PADI6: variants seen among roughly 807,000 people sequenced by gnomAD.
PADI6 encodes the protein peptidyl arginine deiminase 6.
PADI6 carries 66 observed loss-of-function variants against 78.2 expected under a neutral mutation model. The observed-to-expected ratio is 0.84, with a 90% confidence interval of 0.69 to 1.04. The LOEUF (loss-of-function observed/expected upper bound fraction) is 1.04. Among genes scored for constraint, PADI6 ranks in the 50% least tolerant of loss-of-function variants. The probability of loss-of-function intolerance (pLI) is 0.00; values close to 1 mark genes in which losing one functional copy is unlikely to be tolerated. For synonymous variants in PADI6, 397 were observed against 346.9 expected (o/e 1.14, Z -1.60); for missense variants, 854 against 866.1 (o/e 0.99, Z 0.18).
Position 17,372,309 on chromosome 1 carries a change from C to T in PADI6, c.64C>T (p.Pro22Ser), listed in dbSNP as rs1163015581. 6.2e-7 allele frequency: 1 copy of T among 1,613,976 alleles called. No individual in the cohort carries two copies. The highest frequency in any genetic ancestry group is 8.5e-7 in the Non-Finnish European group (1 of 1,179,886). ...QSIIHLSLDS[P>S]VHAVCVLGTE... ...TATCATCCACCTGTCCCTGGACAGC[C>T]CTGTCCATGCCGTTTGTGTGTTGGG... Residue 22 changes from proline (P) to serine (S), a missense_variant, in exon 1 of 16, where the codon CCT becomes TCT. Physicochemically the swap from Pro to Ser is moderately conservative, Grantham distance 74. Coordinates refer to ENST00000619609, the MANE Select transcript of PADI6 (RefSeq NM_207421.4).
chr1:17,384,922 A>G (rs187617713), intron 6 of PADI6, among the ~76,000 whole-genome samples: 2 of 152,380 alleles, frequency 1.3e-5, no homozygotes, highest in East Asian at 3.9e-4. Flanking sequence ...GGTGGTAATT[A>G]CAGGGGCCAG....
chr1:17,380,007 G>C lies in PADI6; in HGVS notation c.435+20G>C. Reference sequence around the variant, plus strand: ...GCTAAGGTGAGTCTGCCAGCAAAAGGGGGCAGGGAAGGGGCCCTATAAGCC... The same window carrying C: ...GCTAAGGTGAGTCTGCCAGCAAAAGCGGGCAGGGAAGGGGCCCTATAAGCC... On this transcript the variant is annotated intron_variant, in intron 4 of 15. Transcript: ENST00000619609. 3 of 1,612,834 alleles carry C rather than the reference G, an allele frequency of 1.9e-6. No homozygotes were observed. Among genetic ancestry groups the C allele is most frequent in the Non-Finnish European group, 1.7e-6 (2 of 1,179,174 alleles).
At chr1:17,400,882 A>G (rs900825527) in intron 15 of PADI6, among the ~76,000 whole-genome samples, 2 of 152,198 alleles carry the variant, frequency 1.3e-5, no homozygotes, top group African/African-American at 4.8e-5. Context: ...GATGCGCAGC[A>G]GTCAACTGAC....
In PADI6 at chr1:17,373,308, C is replaced by A. The variant is rs886360027; in HGVS notation, c.294+75C>A. On this transcript the variant is annotated intron_variant, in intron 2 of 15. Coordinates refer to ENST00000619609, the MANE Select transcript of PADI6 (RefSeq NM_207421.4). ...CACAGCCACTGGGGCTTCCTCCTGG[C>A]TGCAGACGTGACTCGAGCCTGGGAA... 28 of 1,533,836 alleles carry A rather than the reference C, an allele frequency of 1.8e-5. No homozygotes were observed. The African/African-American group carries it at 3.5e-4, about 19-fold the overall frequency.
intron 13 of PADI6, among the ~76,000 whole-genome samples, chr1:17,395,890 A>AG (rs1052052718): frequency 7.2e-5 from 11 of 152,292 alleles, no homozygotes; most frequent in African/African-American, 2.6e-4. Flanking sequence ...ATGTATTTGA[A>AG]GGGGGACTCA....
chr1:17,387,938 G>C (rs1034487213), intron 6 of PADI6, among the ~76,000 whole-genome samples: 26 of 152,116 alleles, frequency 1.7e-4, no homozygotes, highest in Non-Finnish European at 3.7e-4. Flanking sequence ...TCCAATAAAT[G>C]GTTCTCACTG....
intron 2 of PADI6, among the ~76,000 whole-genome samples, chr1:17,375,146 A>C (rs1356451771): frequency 6.6e-6 from 1 of 152,066 alleles, no homozygotes; most frequent in Non-Finnish European, 1.5e-5. Flanking sequence ...AAGTCCCTTG[A>C]TCACCCCGCC....
intron 13 of PADI6, among the ~76,000 whole-genome samples, chr1:17,396,146 G>A (rs1216442931): frequency 6.6e-6 from 1 of 152,180 alleles, no homozygotes; most frequent in African/African-American, 2.4e-5. Context: ...AGCACTTTGG[G>A]AGGCTGAGGC....
chr1:17,373,726 A>C (rs1459629445), intron 2 of PADI6, among the ~76,000 whole-genome samples: 2 of 152,130 alleles, frequency 1.3e-5, no homozygotes, highest in African/African-American at 4.8e-5. Flanking sequence ...TCCTGACTTC[A>C]AGTGATCTAC....
At chr1:17,397,239 G>A (rs1396474737) in intron 14 of PADI6, 98 bp downstream of exon 14, 12 of 1,304,498 alleles carry the variant, frequency 9.2e-6, no homozygotes, top group African/African-American at 1.5e-5. Flanking sequence ...GTGAAGTGTT[G>A]GGCGGCGGGG....
intron 2 of PADI6, 49 bp from the exon 3 acceptor site, chr1:17,375,378 G>A: frequency 6.5e-7 from 1 of 1,531,248 alleles, no homozygotes; most frequent in Non-Finnish European, 8.9e-7. Flanking sequence ...TCTGTTCCTG[G>A]CACCTCCCGT....
At chr1:17,386,298 T>C (rs1175193162) in intron 6 of PADI6, among the ~76,000 whole-genome samples, 1 of 152,228 alleles carries the variant, frequency 6.6e-6, no homozygotes, top group African/African-American at 2.4e-5. Context: ...AGTGAAATGT[T>C]AGCTATGCTT....
chr1:17,378,598 G>GT (rs997592030), intron 3 of PADI6, among the ~76,000 whole-genome samples: 14 of 152,114 alleles, frequency 9.2e-5, no homozygotes, highest in African/African-American at 2.4e-4. Context: ...CCTTAAGTGT[G>GT]TTTTTTTGTT....
intron 3 of PADI6, among the ~76,000 whole-genome samples, 185 bp downstream of exon 3, chr1:17,375,684 C>T (rs1000593449): frequency 1.3e-5 from 2 of 152,210 alleles, no homozygotes; most frequent in East Asian, 1.9e-4. Flanking sequence ...ACTCCCTCCT[C>T]GACGCTCAGT....
rs759738092 is a variant in PADI6, at chr1:17,373,149, C to T, written c.210C>T (p.Asp70=). ...ACACGGTGATTTCTGAGAAGGAGGACGCCACCATCTGGTGGCCCCTGTCTG... is the reference window on the plus strand; with the variant it reads ...ACACGGTGATTTCTGAGAAGGAGGATGCCACCATCTGGTGGCCCCTGTCTG... The part of the protein sequence containing the change: ...VANTVISEKE[D]ATIWWPLSDP... The change falls in exon 2 of 16, where the codon GAC becomes GAT. Residue 70 remains aspartate (D), a synonymous_variant. Coordinates refer to ENST00000619609, the MANE Select transcript of PADI6 (RefSeq NM_207421.4). 239 of 1,613,830 alleles carry T rather than the reference C, an allele frequency of 1.5e-4. 2 individuals are homozygous for T. Among genetic ancestry groups the T allele is most frequent in the East Asian group, 1.0e-3 (46 of 44,890 alleles).
chr1:17,383,026 T>A lies in PADI6; in HGVS notation c.679+934T>A, dbSNP rs147202412. 3.9e-5 allele frequency among the ~76,000 whole-genome samples: 6 copies of A among 152,318 alleles called. No homozygotes were observed. In the East Asian group the frequency reaches 1.2e-3, roughly 29 times the overall value. ...TCAAACTCCCGGATGCAAACAATCC[T>A]CCTGCCTTGGCTTCCCAAAGTGCTG... On this transcript the variant is annotated intron_variant, in intron 6 of 15. Coordinates refer to ENST00000619609, the MANE Select transcript of PADI6 (RefSeq NM_207421.4).
At chr1:17,379,124 T>TCACCA (rs2075047777) in intron 3 of PADI6, among the ~76,000 whole-genome samples, 1 of 134,668 alleles carries the variant, frequency 7.4e-6, no homozygotes, top group African/African-American at 3.4e-5. Context: ...TTTTTTTTTT[T>TCACCA]TTTTTTTTAA....
intron 8 of PADI6, among the ~76,000 whole-genome samples, chr1:17,391,377 G>A (rs988020560): frequency 5.3e-5 from 8 of 152,046 alleles, no homozygotes; most frequent in African/African-American, 9.7e-5. Flanking sequence ...GTACTGCCAC[G>A]CCCAGCTAAT....
intron 6 of PADI6, among the ~76,000 whole-genome samples, chr1:17,383,788 C>T (rs1194390406): frequency 2.0e-5 from 3 of 152,054 alleles, no homozygotes; most frequent in Admixed American, 6.6e-5. Context: ...TGCAGTGAGC[C>T]GAGATCATGC....
Sources: allele counts gnomAD v4.1 joint callset (sites outside exome capture counted in the v4.1 genomes callset), GRCh38; gene constraint gnomAD v4.1.1; transcripts MANE v1.5; gene names NCBI Gene and HGNC (gene_info 2026-07-23, HGNC 2026-07-21).